The following IQCM variants were observed in gnomAD, a reference collection of about 807,000 sequenced individuals.
The protein encoded by IQCM is IQ domain-containing protein M.
In IQCM, 45 loss-of-function variants were observed where a neutral mutation model predicts 57.6. The observed-to-expected ratio is 0.78, with a 90% confidence interval of 0.62 to 1.00. IQCM has a LOEUF of 1.00. Among genes scored for constraint, IQCM ranks in the 50% least tolerant of loss-of-function variants. The pLI, the probability that IQCM is intolerant of heterozygous loss-of-function variation, is 0.00. For missense variants in IQCM, 468 were observed against 511.6 expected, an observed-to-expected ratio of 0.91 and a Z score of 0.82; for synonymous variants, 148 against 158.9, an observed-to-expected ratio of 0.93 and a Z score of 0.51.
chr4:149,680,748 A>G (rs1259267468), intron 7 of IQCM, among the ~76,000 whole-genome samples: 1 of 151,480 alleles, frequency 6.6e-6, no homozygotes, highest in African/African-American at 2.4e-5. Context: ...CACATGGGTG[A>G]CTACCAATTC....
intron 13 of IQCM, among the ~76,000 whole-genome samples, chr4:149,375,710 T>C (rs1730663404): frequency 6.6e-6 from 1 of 152,166 alleles, no homozygotes; most frequent in South Asian, 2.1e-4. Context: ...ATATTTCCAT[T>C]TAATTCATTG....
At position 149,558,459 on chromosome 4, in the gene IQCM, C is replaced by A. The variant is rs142415834; in HGVS notation, c.949-5172G>T. ...TGGGCCAAGAATGTACAAGACTTTG[C>A]GAATAGATTAAAGATCAGGAAAGAT... On this transcript the variant is annotated intron_variant, in intron 10 of 13. Coordinates refer to ENST00000636793, the MANE Select transcript of IQCM (RefSeq NM_001363507.2). 2.0e-5 allele frequency among the ~76,000 whole-genome samples: 3 copies of A among 152,012 alleles called. No homozygotes were observed. The South Asian group carries it at 6.2e-4, about 32-fold the overall frequency.
chr4:149,688,352 T>C (rs2149791928), intron 5 of IQCM, among the ~76,000 whole-genome samples: 1 of 151,864 alleles, frequency 6.6e-6, no homozygotes, highest in South Asian at 2.1e-4. Flanking sequence ...CCTTTTACAA[T>C]AGCTGCAAAC....
intron 7 of IQCM, among the ~76,000 whole-genome samples, chr4:149,627,352 GGGCTGAGAAAAAT>G (rs1237449880): frequency 2.6e-5 from 4 of 152,080 alleles, no homozygotes; most frequent in Non-Finnish European, 5.9e-5. Flanking sequence ...ATTTTTCTCA[GGGCTGAGAAAAAT>G]CCACATGTTC....
chr4:149,645,889 C>A (rs1758591764), intron 7 of IQCM, among the ~76,000 whole-genome samples: 1 of 152,124 alleles, frequency 6.6e-6, no homozygotes, highest in Admixed American at 6.5e-5. Context: ...GCATTCCAGG[C>A]CTCCCACCCA....
chr4:149,733,512 T>G lies in IQCM; in HGVS notation c.121-4A>C. On this transcript the variant is annotated splice_polypyrimidine_tract_variant and splice_region_variant and intron_variant, in intron 4 of 13. Coordinates refer to ENST00000636793, the MANE Select transcript of IQCM (RefSeq NM_001363507.2). ...TAGAAGTACCTTGAACTTTATTCTATGAATAAAACAAAAATAGATTTTGGC... is the reference window on the plus strand; with the variant it reads ...TAGAAGTACCTTGAACTTTATTCTAGGAATAAAACAAAAATAGATTTTGGC... 8.2e-7 allele frequency: 1 copy of G among 1,212,336 alleles called. No individual in the cohort carries two copies. The highest frequency in any genetic ancestry group is 1.0e-6 in the Non-Finnish European group (1 of 969,964). 75.1% of individuals were successfully genotyped at this position (1,212,336 alleles called of 1,614,324 possible). A position where few individuals can be genotyped will look rare whatever the true frequency, so the allele number is the denominator to read the frequency against.
intron 13 of IQCM, among the ~76,000 whole-genome samples, chr4:149,421,195 C>A (rs1236865890): frequency 1.3e-5 from 2 of 151,986 alleles, no homozygotes; most frequent in Admixed American, 1.3e-4. Flanking sequence ...TTCCTGGGTA[C>A]ATAATAACAC....
chr4:149,447,808 T>G (rs1353730675), intron 12 of IQCM, among the ~76,000 whole-genome samples: 1 of 151,682 alleles, frequency 6.6e-6, no homozygotes, highest in East Asian at 1.9e-4. Context: ...GCATAAGATA[T>G]ATGAATGAAA....
chr4:149,530,460 A>T (rs1316466915), intron 12 of IQCM, among the ~76,000 whole-genome samples: 2 of 152,100 alleles, frequency 1.3e-5, no homozygotes. Context: ...CAGGAAAGCA[A>T]TCTCTGTGTA....
At chr4:149,676,302 C>T (rs1406924199) in intron 7 of IQCM, among the ~76,000 whole-genome samples, 4 of 152,028 alleles carry the variant, frequency 2.6e-5, no homozygotes, top group Non-Finnish European at 2.9e-5. Flanking sequence ...AATGTGATAG[C>T]GAAAGTCAGT....
chr4:149,477,579 A>C (rs1008853509), intron 12 of IQCM, among the ~76,000 whole-genome samples: 3 of 152,318 alleles, frequency 2.0e-5, no homozygotes, highest in African/African-American at 7.2e-5. Flanking sequence ...AAGAAGACAG[A>C]CATTAAATCA....
chr4:149,386,872 C>A (rs950337228), intron 13 of IQCM, among the ~76,000 whole-genome samples: 4 of 151,994 alleles, frequency 2.6e-5, no homozygotes, highest in African/African-American at 4.8e-5. Flanking sequence ...CAGCTGTCAG[C>A]TCAAAAGGTT....
intron 12 of IQCM, among the ~76,000 whole-genome samples, chr4:149,478,237 A>T (rs1303828890): frequency 6.6e-6 from 1 of 152,162 alleles, no homozygotes; most frequent in African/African-American, 2.4e-5. Flanking sequence ...CAAGAGTTTA[A>T]CAGTCTTTGC....
intron 12 of IQCM, among the ~76,000 whole-genome samples, chr4:149,532,706 G>A (rs1184241403): frequency 6.6e-6 from 1 of 152,056 alleles, no homozygotes; most frequent in Non-Finnish European, 1.5e-5. Context: ...TCAATCTGCT[G>A]TGGCTGGTGA....
At chr4:149,493,120 C>T (rs1207180926) in intron 12 of IQCM, among the ~76,000 whole-genome samples, 1 of 152,020 alleles carries the variant, frequency 6.6e-6, no homozygotes, top group Non-Finnish European at 1.5e-5. Context: ...ACCCATGATC[C>T]CCAAATGCAA....
intron 2 of IQCM, among the ~76,000 whole-genome samples, chr4:149,779,337 G>C (rs1771387609): frequency 6.8e-6 from 1 of 146,000 alleles, no homozygotes; most frequent in South Asian, 2.1e-4. Flanking sequence ...GAATAAAGTG[G>C]GAAGAATTAA....
intron 13 of IQCM, among the ~76,000 whole-genome samples, chr4:149,363,509 C>CAT (rs1269072382): frequency 8.5e-5 from 13 of 152,120 alleles, no homozygotes; most frequent in Admixed American, 2.0e-4. Context: ...TATGTATCTA[C>CAT]ATATATATAT....
In IQCM at chr4:149,441,659, C is replaced by T. The variant is rs1503715; in HGVS notation, c.1229-8102G>A. Among the ~76,000 whole-genome samples the T allele has an allele frequency of 3.2e-3, 492 of 152,224 alleles. 4 individuals are homozygous for T. The highest frequency in any genetic ancestry group is 0.011 in the African/African-American group (471 of 41,542). ...TTCTGTCACTTTTGGTCCAAGCTGGCAGTGTTCTACTGATTTAAATTTTTC... is the reference window on the plus strand; with the variant it reads ...TTCTGTCACTTTTGGTCCAAGCTGGTAGTGTTCTACTGATTTAAATTTTTC... On this transcript the variant is annotated intron_variant, in intron 12 of 13. Transcript: ENST00000636793.
At chr4:149,809,322 A>G (rs1774352055) in intron 2 of IQCM, among the ~76,000 whole-genome samples, 1 of 152,104 alleles carries the variant, frequency 6.6e-6, no homozygotes, top group African/African-American at 2.4e-5. Context: ...TCACTATAAT[A>G]AAAACAGATA....
Sources: allele counts gnomAD v4.1 joint callset (sites outside exome capture counted in the v4.1 genomes callset), GRCh38; gene constraint gnomAD v4.1.1; transcripts MANE v1.5; gene names NCBI Gene and HGNC (gene_info 2026-07-23, HGNC 2026-07-21).